The following MAGI3 variants were observed in gnomAD, a reference collection of about 807,000 sequenced individuals.
MAGI3 encodes the protein membrane-associated guanylate kinase, WW and PDZ domain-containing protein 3.
A neutral mutation model predicts 121.8 loss-of-function variants in MAGI3; 43 were observed. The ratio of observed to expected loss-of-function variants is 0.35; its 90% confidence interval spans 0.28 to 0.46. The LOEUF (loss-of-function observed/expected upper bound fraction) is 0.46, where lower values mean the gene tolerates loss of function less well. Among genes scored for constraint, MAGI3 ranks in the 20% least tolerant of loss-of-function variants. The pLI, the probability that MAGI3 is intolerant of heterozygous loss-of-function variation, is 1.00. For missense variants in MAGI3, 1,547 were observed against 1,797.3 expected (o/e 0.86, Z 2.52); for synonymous variants, 553 against 639.3 (o/e 0.86, Z 2.04).
Position 113,673,911 on chromosome 1 carries a change from C to T in MAGI3, c.3189+446C>T, listed in dbSNP as rs543360444. 5.9e-5 allele frequency among the ~76,000 whole-genome samples: 9 copies of T among 152,270 alleles called. No homozygotes were observed. In the South Asian group the frequency reaches 8.3e-4, roughly 14 times the overall value. On this transcript the variant is annotated intron_variant, in intron 19 of 20. Transcript: ENST00000307546. ...GGAGAGGTAACTAGAGGCTGAAAAGCGTGGCTCTCAACATTTCTTATTGTT... is the reference window on the plus strand; with the variant it reads ...GGAGAGGTAACTAGAGGCTGAAAAGTGTGGCTCTCAACATTTCTTATTGTT...
At chr1:113,466,801 T>C (rs1655312593) in intron 1 of MAGI3, among the ~76,000 whole-genome samples, 1 of 152,106 alleles carries the variant, frequency 6.6e-6, no homozygotes, top group African/African-American at 2.4e-5. Flanking sequence ...TCTGAGTTGT[T>C]ACATCTTTTC....
chr1:113,446,580 A>G lies in MAGI3; in HGVS notation c.316+55231A>G, dbSNP rs1353794312. Reference sequence around the variant, plus strand: ...GTTAAACTCTTCAACCAAAAGACAGAGATTGGCAGAATGGATTAGAAAAAC... The same window carrying G: ...GTTAAACTCTTCAACCAAAAGACAGGGATTGGCAGAATGGATTAGAAAAAC... On this transcript the variant is annotated intron_variant, in intron 1 of 20. Coordinates refer to ENST00000307546, the MANE Select transcript of MAGI3 (RefSeq NM_001142782.2). Among the ~76,000 whole-genome samples the G allele has an allele frequency of 5.3e-5, 8 of 152,224 alleles. No individual in the cohort carries two copies. In the East Asian group the frequency reaches 1.5e-3, roughly 29 times the overall value.
intron 19 of MAGI3, among the ~76,000 whole-genome samples, chr1:113,677,686 C>G (rs1048197937): frequency 1.3e-5 from 2 of 152,110 alleles, no homozygotes; most frequent in African/African-American, 2.4e-5. Context: ...AAAAAGGGAA[C>G]ATTCTTTTTC....
At chr1:113,625,147 T>C (rs908912178) in intron 9 of MAGI3, among the ~76,000 whole-genome samples, 3 of 152,220 alleles carry the variant, frequency 2.0e-5, no homozygotes, top group Non-Finnish European at 2.9e-5. Context: ...AGTTGTGTTC[T>C]TTTTCCTCAG....
chr1:113,562,316 T>C (rs1660273461), intron 2 of MAGI3, among the ~76,000 whole-genome samples: 1 of 152,072 alleles, frequency 6.6e-6, no homozygotes, highest in Admixed American at 6.5e-5. Flanking sequence ...GGCAGGAGAA[T>C]GGCATGAACC....
At chr1:113,675,162 T>C (rs945940435) in intron 19 of MAGI3, among the ~76,000 whole-genome samples, 1 of 152,168 alleles carries the variant, frequency 6.6e-6, no homozygotes, top group African/African-American at 2.4e-5. Flanking sequence ...AATCTGCTGA[T>C]AAAAATCTGT....
At chr1:113,482,191 G>A (rs541116560) in intron 1 of MAGI3, among the ~76,000 whole-genome samples, 1 of 152,174 alleles carries the variant, frequency 6.6e-6, no homozygotes, top group East Asian at 1.9e-4. Flanking sequence ...TCAGAAGACA[G>A]GAGAGAGAGA....
At chr1:113,454,051 T>G (rs932204525) in intron 1 of MAGI3, among the ~76,000 whole-genome samples, 5 of 152,224 alleles carry the variant, frequency 3.3e-5, no homozygotes, top group Non-Finnish European at 4.4e-5. Context: ...CTCAGATATC[T>G]CTAGAAGAGT....
At chr1:113,420,161 G>A (rs1652660748) in intron 1 of MAGI3, among the ~76,000 whole-genome samples, 1 of 152,198 alleles carries the variant, frequency 6.6e-6, no homozygotes, top group Non-Finnish European at 1.5e-5. Context: ...CATTGGCAGT[G>A]TTGAATAGAG....
intron 6 of MAGI3, among the ~76,000 whole-genome samples, chr1:113,603,052 A>G (rs997296545): frequency 1.3e-5 from 2 of 152,092 alleles, no homozygotes; most frequent in Non-Finnish European, 2.9e-5. Context: ...AAATTTATAG[A>G]CCATTAGCTA....
intron 1 of MAGI3, among the ~76,000 whole-genome samples, chr1:113,405,105 T>C (rs764442219): frequency 4.6e-5 from 7 of 152,118 alleles, no homozygotes; most frequent in Non-Finnish European, 8.8e-5. Context: ...AAGTGTGATA[T>C]ATGAGAATTT....
intron 1 of MAGI3, among the ~76,000 whole-genome samples, chr1:113,546,467 T>G (rs7518766): frequency 0.66 from 99,617 of 151,824 alleles, 35,675 homozygotes; most frequent in East Asian, 0.93. Flanking sequence ...CTCTGGAGTA[T>G]TTGGGATTAC....
At chr1:113,404,016 G>C (rs1651546603) in intron 1 of MAGI3, 1 of 152,144 alleles carries the variant, frequency 6.6e-6, no homozygotes, top group African/African-American at 2.4e-5. Context: ...ATAATGGCCT[G>C]TAGTTGGAAT....
intron 1 of MAGI3, among the ~76,000 whole-genome samples, chr1:113,412,984 T>A (rs1477529251): frequency 1.3e-5 from 2 of 152,184 alleles, no homozygotes; most frequent in Non-Finnish European, 2.9e-5. Flanking sequence ...CTGCCTAGGT[T>A]TTCTTCTAGG....
intron 19 of MAGI3, 128 bp downstream of exon 19, chr1:113,673,593 G>A: frequency 1.9e-6 from 2 of 1,053,096 alleles, no homozygotes. Context: ...GTCATCACTG[G>A]TAGCTAAAAA....
intron 1 of MAGI3, among the ~76,000 whole-genome samples, chr1:113,491,560 C>T (rs1412792931): frequency 6.6e-6 from 1 of 151,964 alleles, no homozygotes; most frequent in Non-Finnish European, 1.5e-5. Flanking sequence ...ACATGAAAAA[C>T]CATTCAAAAG....
chr1:113,680,484 G>T (rs1648145482), intron 19 of MAGI3, among the ~76,000 whole-genome samples: 1 of 152,052 alleles, frequency 6.6e-6, no homozygotes, highest in Non-Finnish European at 1.5e-5. Context: ...AGGGCCGGGC[G>T]CGGTGGCTCA....
At position 113,673,385 on chromosome 1, in the gene MAGI3, G is replaced by T. The variant is rs201961376; in HGVS notation, c.3109G>T (p.Gly1037Trp). The T allele has an allele frequency of 3.7e-6, 6 of 1,611,858 alleles. No homozygotes were observed. Among genetic ancestry groups the T allele is most frequent in the Admixed American group, 1.7e-5 (1 of 59,562 alleles). Residue 1037 changes from glycine to tryptophan, a missense_variant, in exon 19 of 21, where the codon GGG (glycine) becomes TGG (tryptophan). Coordinates refer to ENST00000307546, the MANE Select transcript of MAGI3 (RefSeq NM_001142782.2). Reference sequence around the variant, plus strand: ...CCGGGGCTTTGGATTCAGCCTCCGAGGGGGGAAGGAGTACAACATGGGGCT... The same window carrying T: ...CCGGGGCTTTGGATTCAGCCTCCGATGGGGGAAGGAGTACAACATGGGGCT... ...GPRGFGFSLRGGKEYNMGLFI... is the reference protein window; with the variant it reads ...GPRGFGFSLRWGKEYNMGLFI...
At chr1:113,680,111 A>T (rs1365059238) in intron 19 of MAGI3, among the ~76,000 whole-genome samples, 1 of 152,204 alleles carries the variant, frequency 6.6e-6, no homozygotes, top group African/African-American at 2.4e-5. Context: ...AAGAATTTTA[A>T]TCTATAAAGA....
Sources: gnomAD v4.1 joint callset for allele counts (sites outside exome capture counted in the v4.1 genomes callset) on GRCh38, gnomAD v4.1.1 for gene constraint, MANE v1.5 for transcripts, NCBI Gene and HGNC (gene_info 2026-07-23, HGNC 2026-07-21) for gene names.